RSPO2: variants seen among roughly 807,000 people sequenced by gnomAD.
RSPO2 encodes R-spondin 2.
Under a neutral mutation model 30.9 loss-of-function variants are expected in RSPO2, and 14 were observed. The ratio of observed to expected loss-of-function variants is 0.45; its 90% CI spans 0.30 to 0.71. The LOEUF (loss-of-function observed/expected upper bound fraction) is 0.71, where lower values mean the gene tolerates loss of function less well. RSPO2 is among the 30% of genes least tolerant of loss of function. The pLI is 0.08. For synonymous variants in RSPO2, 107 were observed against 96.4 expected, an observed-to-expected ratio of 1.11 and a Z score of -0.64; for missense variants, 264 against 301.9, an observed-to-expected ratio of 0.87 and a Z score of 0.93.
chr8:107,927,213 A>G (rs1331688518), intron 5 of RSPO2, among the ~76,000 whole-genome samples: 1 of 152,176 alleles, frequency 6.6e-6, no homozygotes, highest in East Asian at 1.9e-4. Context: ...TTATTGGTGT[A>G]TAAGAATGCT....
intron 2 of RSPO2, among the ~76,000 whole-genome samples, chr8:108,035,821 T>TCA (rs772420575): frequency 2.0e-5 from 3 of 152,174 alleles, no homozygotes; most frequent in Non-Finnish European, 4.4e-5. Flanking sequence ...AGAGACTGTT[T>TCA]CAGTTTCGCT....
chr8:107,922,650 C>G (rs1391807628), intron 5 of RSPO2, among the ~76,000 whole-genome samples: 1 of 151,970 alleles, frequency 6.6e-6, no homozygotes, highest in Non-Finnish European at 1.5e-5. Context: ...CAATCCTAAG[C>G]AAAAAGAACA....
chr8:107,901,358 T>C (rs1361510764), intron 5 of RSPO2, among the ~76,000 whole-genome samples, 168 bp from the exon 6 acceptor site: 4 of 151,736 alleles, frequency 2.6e-5, no homozygotes, highest in African/African-American at 7.3e-5. Flanking sequence ...ATAATAATAA[T>C]TTACTAAATT....
intron 2 of RSPO2, among the ~76,000 whole-genome samples, chr8:108,069,308 G>A (rs1170330044): frequency 6.6e-6 from 1 of 151,988 alleles, no homozygotes; most frequent in Non-Finnish European, 1.5e-5. Flanking sequence ...CCGCCTCCCG[G>A]GTTCAAGTGA....
intron 2 of RSPO2, among the ~76,000 whole-genome samples, chr8:108,005,312 T>C (rs1030087226): frequency 4.6e-5 from 7 of 152,184 alleles, no homozygotes; most frequent in African/African-American, 1.7e-4. Context: ...CTGTAATTGG[T>C]AAGTATTTTG....
intron 2 of RSPO2, among the ~76,000 whole-genome samples, chr8:108,055,148 T>G (rs991095112): frequency 6.6e-6 from 1 of 151,390 alleles, no homozygotes; most frequent in African/African-American, 2.4e-5. Flanking sequence ...AAACAGAAAA[T>G]AAAAATGTGC....
chr8:108,004,486 CTT>C (rs1815384369), intron 2 of RSPO2, among the ~76,000 whole-genome samples: 1 of 152,184 alleles, frequency 6.6e-6, no homozygotes, highest in Non-Finnish European at 1.5e-5. Flanking sequence ...CAAAACTAGA[CTT>C]TACAAATGCA....
intron 2 of RSPO2, among the ~76,000 whole-genome samples, chr8:108,032,825 C>T (rs1811464743): frequency 6.6e-6 from 1 of 151,434 alleles, no homozygotes; most frequent in African/African-American, 2.4e-5. Flanking sequence ...TTTGGGAGGC[C>T]GAGGCAGGCG....
intron 3 of RSPO2, among the ~76,000 whole-genome samples, chr8:107,967,158 G>A (rs944398030): frequency 2.0e-5 from 3 of 152,136 alleles, no homozygotes; most frequent in Non-Finnish European, 2.9e-5. Flanking sequence ...TGCCCACTGC[G>A]TGCTAAAATA....
At chr8:107,939,201 C>T (rs1405422823) in intron 5 of RSPO2, among the ~76,000 whole-genome samples, 17 of 151,920 alleles carry the variant, frequency 1.1e-4, no homozygotes, top group Admixed American at 1.1e-3. Context: ...ATATGGCCAC[C>T]GGCAGGAACT....
At chr8:108,055,294 G>C (rs1563581528) in intron 2 of RSPO2, among the ~76,000 whole-genome samples, 1 of 152,178 alleles carries the variant, frequency 6.6e-6, no homozygotes, top group Non-Finnish European at 1.5e-5. Flanking sequence ...GAGACAGAAA[G>C]AAGCCCAATA....
chr8:107,984,046 C>A, intron 3 of RSPO2: 4 of 570,262 alleles, frequency 7.0e-6, no homozygotes, highest in Middle Eastern at 2.7e-4. Flanking sequence ...AAAGGGAAAA[C>A]CACATAGAAG....
At chr8:107,943,577 T>C (rs943430519) in intron 5 of RSPO2, among the ~76,000 whole-genome samples, 1 of 152,228 alleles carries the variant, frequency 6.6e-6, no homozygotes, top group African/African-American at 2.4e-5. Context: ...CCAGGTCTTA[T>C]GTTTCTGATA....
chr8:108,057,055 CAAAAAAAAAAAAAAAAAAAAAAA>C (rs56727719), intron 2 of RSPO2, among the ~76,000 whole-genome samples: 1 of 36,070 alleles, frequency 2.8e-5, no homozygotes. Flanking sequence ...GACTCTGTCT[CAAAAAAAAAAAAAAAAAAAAAAA>C]AAAAAAAAAA....
intron 3 of RSPO2, among the ~76,000 whole-genome samples, chr8:107,963,092 A>G (rs942862088): frequency 1.3e-5 from 2 of 152,172 alleles, no homozygotes; most frequent in African/African-American, 4.8e-5. Flanking sequence ...GGTATAAATC[A>G]TGTTGGATGA....
intron 2 of RSPO2, among the ~76,000 whole-genome samples, chr8:107,993,459 A>G (rs1025536335): frequency 1.4e-4 from 22 of 152,178 alleles, no homozygotes; most frequent in Non-Finnish European, 3.1e-4. Context: ...AAAGAATCCA[A>G]ACAGATACAA....
intron 5 of RSPO2, among the ~76,000 whole-genome samples, chr8:107,927,033 G>T (rs1205729220): frequency 1.3e-5 from 2 of 152,108 alleles, no homozygotes; most frequent in Admixed American, 1.3e-4. Context: ...CATGAGCATG[G>T]AATGTTCTTC....
At chr8:107,914,318 G>T (rs681606) in intron 5 of RSPO2, among the ~76,000 whole-genome samples, 55,964 of 151,878 alleles carry the variant, frequency 0.37, 11,869 homozygotes, top group East Asian at 0.65. Flanking sequence ...CTCAAATACT[G>T]CATTCTGTTT....
chr8:107,995,972 T>C (rs1815006741), intron 2 of RSPO2, among the ~76,000 whole-genome samples: 1 of 152,338 alleles, frequency 6.6e-6, no homozygotes, highest in African/African-American at 2.4e-5. Flanking sequence ...AAAATAAGCT[T>C]ATACTATCTA....
Sources: allele counts gnomAD v4.1 joint callset (sites outside exome capture counted in the v4.1 genomes callset), GRCh38; gene constraint gnomAD v4.1.1; transcripts MANE v1.5; gene names NCBI Gene and HGNC (gene_info 2026-07-23, HGNC 2026-07-21).